The following HTR6 variants were observed in gnomAD, a reference collection of about 807,000 sequenced individuals.
HTR6 encodes 5-hydroxytryptamine (serotonin) receptor 6, G protein-coupled.
In HTR6, 15 loss-of-function variants were observed where a neutral mutation model predicts 17.4. The observed-to-expected ratio is 0.86, with a 90% CI of 0.58 to 1.33. The LOEUF (loss-of-function observed/expected upper bound fraction) is 1.33, where lower values mean the gene tolerates loss of function less well. Among genes scored for constraint, HTR6 ranks in the 40% most tolerant of loss-of-function variants. HTR6 has a pLI of 0.00. For synonymous variants in HTR6, 326 were observed against 295.5 expected, an observed-to-expected ratio of 1.10 and a Z score of -1.06; for missense variants, 578 against 616.0, an observed-to-expected ratio of 0.94 and a Z score of 0.65.
rs937522837 is a variant in HTR6 at position 19,665,876 on chromosome 1, G to C, written c.123G>C (p.Ala41=). The change falls in exon 1 of 3, where the codon GCG becomes GCC. Residue 41 remains alanine, a synonymous_variant. Coordinates refer to ENST00000289753, the MANE Select transcript of HTR6 (RefSeq NM_000871.3). This position sits in a 1 kb window ranked among gnomAD's most constrained non-coding sequence, Gnocchi z 4.2. ...AALCVVIALT[A]AANSLLIALI... is the part of the protein sequence containing the mutation. Reference sequence around the variant, plus strand: ...TGTGCGTGGTCATCGCGCTGACGGCGGCGGCCAACTCGCTGCTGATCGCGC... The same window carrying C: ...TGTGCGTGGTCATCGCGCTGACGGCCGCGGCCAACTCGCTGCTGATCGCGC... The C allele has an allele frequency of 1.2e-6, 2 of 1,605,634 alleles. No homozygotes were observed. The highest frequency in any genetic ancestry group is 1.7e-4 in the Middle Eastern group (1 of 6,048).
rs1001571243 is a variant in HTR6, at chr1:19,665,374, C to T, written c.-380C>T. On this transcript the variant is annotated 5_prime_UTR_variant, in exon 1 of 3. Coordinates refer to ENST00000289753, the MANE Select transcript of HTR6 (RefSeq NM_000871.3). This position sits in a 1 kb window ranked among gnomAD's most constrained non-coding sequence, Gnocchi z 4.2. ...ACCCGGCCGGACGCCCCTCCCCTATCTTGCCGCCCGCCCCCTCCAGGGGGC... is the reference window on the plus strand; with the variant it reads ...ACCCGGCCGGACGCCCCTCCCCTATTTTGCCGCCCGCCCCCTCCAGGGGGC... The T allele has an allele frequency of 2.2e-5, 4 of 183,058 alleles. No individual in the cohort carries two copies. Among genetic ancestry groups the T allele is most frequent in the African/African-American group, 9.4e-5 (4 of 42,588 alleles). The allele number at this position is 183,058 out of a possible 1,614,324, so 11.3% of individuals were successfully genotyped here.
At chr1:19,672,994 C>T (rs1159588972) in intron 1 of HTR6, among the ~76,000 whole-genome samples, 1 of 152,188 alleles carries the variant, frequency 6.6e-6, no homozygotes, top group African/African-American at 2.4e-5. Flanking sequence ...AAAACAACAA[C>T]AATAGTTGTT....
In HTR6 at chr1:19,665,579, C is replaced by A. The variant is rs202052125; in HGVS notation, c.-175C>A. 3 of 520,768 alleles carry A rather than the reference C, an allele frequency of 5.8e-6. No homozygotes were observed. The South Asian group carries it at 1.1e-4, about 19-fold the overall frequency. 32.3% of individuals were successfully genotyped at this position (520,768 alleles called of 1,614,324 possible). On this transcript the variant is annotated 5_prime_UTR_variant, in exon 1 of 3. In the 5' UTR this introduces an upstream ATG that the reference lacks. Coordinates refer to ENST00000289753, the MANE Select transcript of HTR6 (RefSeq NM_000871.3). The surrounding 1 kb of genome is among the most constrained non-coding windows in gnomAD (Gnocchi z 4.2). ...TGTGTCCTCCTGTAGTCGCTGCCCC[C>A]TGACCTAGCGCGACCCAGCGCCCCC...
At chr1:19,673,860 C>CTTT (rs549470101) in intron 1 of HTR6, among the ~76,000 whole-genome samples, 8 of 128,354 alleles carry the variant, frequency 6.2e-5, no homozygotes, top group Non-Finnish European at 6.6e-5. Context: ...CCTTCTAGGT[C>CTTT]TTTTTTTTTT....
rs533549091 is a variant in HTR6 at position 19,666,110 on chromosome 1, C to T, written c.357C>T (p.Leu119=). Residue 119 remains leucine (L), a synonymous_variant, in exon 1 of 3, where the codon CTC becomes CTT. Coordinates refer to ENST00000289753, the MANE Select transcript of HTR6 (RefSeq NM_000871.3). The surrounding 1 kb of genome is among the most constrained non-coding windows in gnomAD (Gnocchi z 4.5). ...CCSASILNLC[L]ISLDRYLLIL... ...GCGCCTCCATCCTCAACCTCTGCCTCATCAGCCTGGACCGCTACCTGCTCA... is the reference window on the plus strand; with the variant it reads ...GCGCCTCCATCCTCAACCTCTGCCTTATCAGCCTGGACCGCTACCTGCTCA... 12 of 1,612,472 alleles carry T rather than the reference C, an allele frequency of 7.4e-6. No homozygotes were observed. Among genetic ancestry groups the T allele is most frequent in the Non-Finnish European group, 1.0e-5 (12 of 1,179,910 alleles).
intron 1 of HTR6, among the ~76,000 whole-genome samples, chr1:19,667,922 G>A (rs2095083566): frequency 6.6e-6 from 1 of 152,214 alleles, no homozygotes; most frequent in Non-Finnish European, 1.5e-5. Context: ...AAAGCTCTAG[G>A]AGGGTGGGGG....
chr1:19,671,895 C>T (rs558492347), intron 1 of HTR6, among the ~76,000 whole-genome samples: 83 of 152,252 alleles, frequency 5.5e-4, no homozygotes, highest in African/African-American at 1.8e-3. Context: ...GGAAGGGGTC[C>T]TGCTTAGCAC....
chr1:19,673,895 G>A (rs1344555203), intron 1 of HTR6, among the ~76,000 whole-genome samples: 1 of 138,006 alleles, frequency 7.2e-6, no homozygotes, highest in Admixed American at 7.6e-5. Flanking sequence ...AGGACAGAGT[G>A]TCACTCTGTC....
chr1:19,673,809 C>T (rs142788322), intron 1 of HTR6, among the ~76,000 whole-genome samples: 177 of 151,606 alleles, frequency 1.2e-3, no homozygotes, highest in African/African-American at 4.0e-3. Context: ...TCCAGCTAAT[C>T]ACCTTTCACT....
At chr1:19,671,469 A>G (rs552078319) in intron 1 of HTR6, among the ~76,000 whole-genome samples, 1 of 152,242 alleles carries the variant, frequency 6.6e-6, no homozygotes, top group East Asian at 1.9e-4. Flanking sequence ...TGCCTGGTGA[A>G]CGGCCTGCAC....
At chr1:19,677,218 TTGTGTGTGTG>T (rs10582325) in intron 1 of HTR6, among the ~76,000 whole-genome samples, 3 of 148,440 alleles carry the variant, frequency 2.0e-5, no homozygotes, top group Non-Finnish European at 3.0e-5. Context: ...GGGGAGAGGT[TTGTGTGTGTG>T]TGTGTGTGTG....
rs539602607 is a variant in HTR6 at position 19,666,458 on chromosome 1, G to A, written c.705G>A (p.Glu235=). 1.9e-6 allele frequency: 3 copies of A among 1,606,962 alleles called. No homozygotes were observed. Among genetic ancestry groups the A allele is most frequent in the Admixed American group, 1.7e-5 (1 of 59,564 alleles). The change falls in exon 1 of 3, where the codon GAG becomes GAA. Residue 235 remains glutamate, a synonymous_variant. Coordinates refer to ENST00000289753, the MANE Select transcript of HTR6 (RefSeq NM_000871.3). This position sits in a 1 kb window ranked among gnomAD's most constrained non-coding sequence, Gnocchi z 4.5. The stretch of plus-strand genomic sequence containing the variant: ...CCGGCATGGCCAGTCAGGCCTCGGA[G>A]ACGCTGCAGGTACCTGGGGTGCGCA... ...LTTGMASQAS[E]TLQVPRTPRP...
rs1008917432 is a variant in HTR6 at position 19,665,136 on chromosome 1, C to G, written c.-618C>G. Among the ~76,000 whole-genome samples, 3 of 151,764 alleles carry G rather than the reference C, an allele frequency of 2.0e-5. No individual in the cohort carries two copies. The highest frequency in any genetic ancestry group is 7.2e-5 in the African/African-American group (3 of 41,384). ...TTCCCGCGGGGCCTGGCGGCCCCGG[C>G]GAACCCCCGCGCCGCACAGGCCGTG... On this transcript the variant is annotated 5_prime_UTR_variant, in exon 1 of 3. Transcript: ENST00000289753. The surrounding 1 kb of genome is among the most constrained non-coding windows in gnomAD (Gnocchi z 4.2).
In HTR6 at chr1:19,665,827, G is replaced by C. The variant is rs1272643043; in HGVS notation, c.74G>C (p.Gly25Ala). 2 of 1,564,488 alleles carry C rather than the reference G, an allele frequency of 1.3e-6. No individual in the cohort carries two copies. Among genetic ancestry groups the C allele is most frequent in the Non-Finnish European group, 1.7e-6 (2 of 1,157,522 alleles). ...GCAGGGCCGCCGTCGGCCCCGGGGG[G>C]CAGCGGCTGGGTGGCGGCCGCGCTG... ...WGAGPPSAPGGSGWVAAALCV... is the reference protein window; with the variant it reads ...WGAGPPSAPGASGWVAAALCV... Residue 25 changes from glycine to alanine, a missense_variant, in exon 1 of 3, where the codon GGC becomes GCC. Coordinates refer to ENST00000289753, the MANE Select transcript of HTR6 (RefSeq NM_000871.3). The surrounding 1 kb of genome is among the most constrained non-coding windows in gnomAD (Gnocchi z 4.2).
intron 1 of HTR6, among the ~76,000 whole-genome samples, chr1:19,673,705 T>A (rs559613811): frequency 9.2e-5 from 14 of 152,064 alleles, no homozygotes; most frequent in Non-Finnish European, 1.2e-4. Context: ...TCTCAAAAAA[T>A]AAATAAATAA....
chr1:19,667,519 G>A (rs886142893), intron 1 of HTR6, among the ~76,000 whole-genome samples: 9 of 151,996 alleles, frequency 5.9e-5, no homozygotes, highest in African/African-American at 1.4e-4. Flanking sequence ...GGGTTTAAGC[G>A]ATTCTTCTGC....
Position 19,665,564 on chromosome 1 carries a change from T to G in HTR6, c.-190T>G. 2.0e-6 allele frequency: 1 copy of G among 496,700 alleles called. No individual in the cohort carries two copies. The highest frequency in any genetic ancestry group is 3.5e-6 in the Non-Finnish European group (1 of 282,944). The allele number at this position is 496,700 out of a possible 1,614,324, so 30.8% of individuals were successfully genotyped here. A position where few individuals can be genotyped will look rare whatever the true frequency, so the allele number is the denominator to read the frequency against. ...CCCAAATAGCCACACTGTGTCCTCC[T>G]GTAGTCGCTGCCCCCTGACCTAGCG... On this transcript the variant is annotated 5_prime_UTR_variant, in exon 1 of 3. Coordinates refer to ENST00000289753, the MANE Select transcript of HTR6 (RefSeq NM_000871.3). The surrounding 1 kb of genome is among the most constrained non-coding windows in gnomAD (Gnocchi z 4.2).
At chr1:19,676,367 G>A (rs538639498) in intron 1 of HTR6, among the ~76,000 whole-genome samples, 1 of 152,260 alleles carries the variant, frequency 6.6e-6, no homozygotes, top group African/African-American at 2.4e-5. Flanking sequence ...CCCAGGTTTT[G>A]CCTCTGTACA....
intron 1 of HTR6, among the ~76,000 whole-genome samples, chr1:19,671,711 G>A (rs1488321185): frequency 6.6e-6 from 1 of 152,194 alleles, no homozygotes; most frequent in African/African-American, 2.4e-5. Context: ...AGAGGGAAAG[G>A]AGCTGGGCAT....
Sources: allele counts gnomAD v4.1 joint callset (sites outside exome capture counted in the v4.1 genomes callset), GRCh38; gene constraint gnomAD v4.1.1; non-coding constraint Gnocchi (gnomAD v3.1); transcripts MANE v1.5; gene names NCBI Gene and HGNC (gene_info 2026-07-23, HGNC 2026-07-21).